USH2A: variants seen among roughly 807,000 people sequenced by gnomAD.
The protein encoded by USH2A is usherin.
A neutral mutation model predicts 538.9 loss-of-function variants in USH2A; 443 were observed. The ratio of observed to expected loss-of-function variants is 0.82; its 90% CI spans 0.76 to 0.89. The LOEUF (loss-of-function observed/expected upper bound fraction) is 0.89, where lower values mean the gene tolerates loss of function less well. Among genes scored for constraint, USH2A ranks in the 40% least tolerant of loss-of-function variants. The pLI, the probability that USH2A is intolerant of heterozygous loss-of-function variation, is 0.00. For missense variants in USH2A, 6,633 were observed against 6,324.8 expected (o/e 1.05, Z -1.65); for synonymous variants, 2,413 against 2,273.5 (o/e 1.06, Z -1.75).
chr1:216,043,192 A>G (rs2030364131), intron 32 of USH2A, among the ~76,000 whole-genome samples: 1 of 152,108 alleles, frequency 6.6e-6, no homozygotes, highest in South Asian at 2.1e-4. Context: ...ACAGATCTAC[A>G]TTTGAATTAG....
intron 48 of USH2A, among the ~76,000 whole-genome samples, chr1:215,815,616 A>G (rs1169859779): frequency 6.6e-6 from 1 of 152,072 alleles, no homozygotes; most frequent in East Asian, 1.9e-4. Context: ...TTTATAAATA[A>G]TTTAGCCTAA....
intron 21 of USH2A, among the ~76,000 whole-genome samples, chr1:216,137,304 T>C (rs886143246): frequency 1.7e-4 from 26 of 152,224 alleles, no homozygotes; most frequent in Admixed American, 3.3e-4. Flanking sequence ...AAAAGAGATT[T>C]AATTGGACTT....
intron 21 of USH2A, among the ~76,000 whole-genome samples, chr1:216,156,898 G>T (rs377475633): frequency 1.3e-5 from 2 of 149,140 alleles, no homozygotes; most frequent in African/African-American, 5.0e-5. Flanking sequence ...TTTTTGAGAC[G>T]GAGTTTTGCT....
chr1:215,806,312 C>T (rs1380266460), intron 49 of USH2A, among the ~76,000 whole-genome samples: 1 of 149,504 alleles, frequency 6.7e-6, no homozygotes, highest in Non-Finnish European at 1.5e-5. Context: ...GAGAAGAGAT[C>T]CACTTTGTAA....
intron 38 of USH2A, among the ~76,000 whole-genome samples, chr1:215,920,278 A>G (rs111891782): frequency 1.2e-4 from 19 of 152,146 alleles, no homozygotes; most frequent in African/African-American, 4.6e-4. Context: ...TAGTCAGGCG[A>G]TATCTCCCAA....
chr1:216,383,950 G>A lies in USH2A; in HGVS notation c.652-18865C>T, dbSNP rs186682202. Reference sequence around the variant, plus strand: ...TCCTGGACTCAAGTGATCCTCCTGCGTAGGCCTCCCAAAGTGCTGGGACTA... The same window carrying A: ...TCCTGGACTCAAGTGATCCTCCTGCATAGGCCTCCCAAAGTGCTGGGACTA... On this transcript the variant is annotated intron_variant, in intron 3 of 71. Coordinates refer to ENST00000307340, the MANE Select transcript of USH2A (RefSeq NM_206933.4). Among the ~76,000 whole-genome samples the A allele has an allele frequency of 1.4e-3, 201 of 148,470 alleles. 1 individual carries two copies. Among genetic ancestry groups the A allele is most frequent in the Non-Finnish European group, 1.5e-3 (98 of 67,454 alleles).
intron 37 of USH2A, among the ~76,000 whole-genome samples, chr1:215,948,200 CTA>C (rs771715890): frequency 4.0e-5 from 6 of 151,856 alleles, no homozygotes; most frequent in Non-Finnish European, 8.8e-5. Flanking sequence ...AATAGTTTTG[CTA>C]TGAGATGAAA....
intron 3 of USH2A, among the ~76,000 whole-genome samples, chr1:216,395,655 C>T (rs980125734): frequency 1.3e-5 from 2 of 152,210 alleles, no homozygotes; most frequent in South Asian, 2.1e-4. Context: ...AGTTTCTCTC[C>T]ACCAAGGCTC....
intron 3 of USH2A, among the ~76,000 whole-genome samples, chr1:216,375,964 C>G (rs2038810698): frequency 6.6e-6 from 1 of 152,066 alleles, no homozygotes; most frequent in African/African-American, 2.4e-5. Flanking sequence ...ATAACACACA[C>G]AACATTTATT....
At chr1:216,114,488 T>C (rs2032954462) in intron 21 of USH2A, among the ~76,000 whole-genome samples, 1 of 152,172 alleles carries the variant, frequency 6.6e-6, no homozygotes, top group Non-Finnish European at 1.5e-5. Context: ...TGTCCACTTA[T>C]TATTTTTGTC....
At chr1:216,003,309 A>G (rs760134973) in intron 32 of USH2A, among the ~76,000 whole-genome samples, 1 of 152,110 alleles carries the variant, frequency 6.6e-6, no homozygotes, top group Non-Finnish European at 1.5e-5. Flanking sequence ...GTTTATGGGT[A>G]AGAAAGGTGT....
At chr1:215,832,689 GAAC>G (rs1472883011) in intron 47 of USH2A, among the ~76,000 whole-genome samples, 2 of 151,914 alleles carry the variant, frequency 1.3e-5, no homozygotes, top group African/African-American at 4.8e-5. Flanking sequence ...CAAAGATTGG[GAAC>G]AAGTCAAGGA....
intron 44 of USH2A, among the ~76,000 whole-genome samples, chr1:215,851,286 T>C (rs1400788066): frequency 6.6e-6 from 1 of 151,804 alleles, no homozygotes; most frequent in African/African-American, 2.4e-5. Flanking sequence ...ATAAATAAAA[T>C]TGACAGACCA....
At chr1:216,125,639 A>T (rs1225009888) in intron 21 of USH2A, among the ~76,000 whole-genome samples, 1 of 152,208 alleles carries the variant, frequency 6.6e-6, no homozygotes, top group African/African-American at 2.4e-5. Context: ...CTGGATAAAC[A>T]TCTTTTTATC....
chr1:216,055,496 G>A (rs77781769), intron 30 of USH2A, among the ~76,000 whole-genome samples: 1,870 of 152,262 alleles, frequency 0.012, 17 homozygotes, highest in Non-Finnish European at 0.021. Flanking sequence ...CCCAGTGGAT[G>A]GATTAAAGAG....
At chr1:215,749,305 G>A (rs1660562103) in intron 58 of USH2A, among the ~76,000 whole-genome samples, 1 of 152,184 alleles carries the variant, frequency 6.6e-6, no homozygotes, top group Admixed American at 6.5e-5. Context: ...TCTACCGCAT[G>A]TCAAATATAA....
intron 21 of USH2A, among the ~76,000 whole-genome samples, chr1:216,142,283 A>G (rs1187886513): frequency 6.6e-6 from 1 of 152,204 alleles, no homozygotes; most frequent in African/African-American, 2.4e-5. Flanking sequence ...TACGTTTGGC[A>G]ATGATTTGTC....
intron 15 of USH2A, among the ~76,000 whole-genome samples, chr1:216,212,993 AT>A (rs2035272876): frequency 1.3e-5 from 2 of 152,272 alleles, no homozygotes; most frequent in South Asian, 4.1e-4. Context: ...ATGGCTAAGC[AT>A]AAAAGGAACA....
At chr1:215,755,426 T>A (rs1660762118) in intron 58 of USH2A, among the ~76,000 whole-genome samples, 1 of 152,180 alleles carries the variant, frequency 6.6e-6, no homozygotes, top group Non-Finnish European at 1.5e-5. Context: ...CTGTTTAAAA[T>A]ATATATATTT....
Sources: allele counts gnomAD v4.1 joint callset (sites outside exome capture counted in the v4.1 genomes callset), GRCh38; gene constraint gnomAD v4.1.1; transcripts MANE v1.5; gene names NCBI Gene and HGNC (gene_info 2026-07-23, HGNC 2026-07-21).